The following ANKRD11 variants were observed in gnomAD, a reference collection of about 807,000 sequenced individuals.
ANKRD11 encodes ankyrin repeat domain 11.
In ANKRD11, 17 loss-of-function variants were observed where a neutral mutation model predicts 195.7. The ratio of observed to expected loss-of-function variants is 0.09; its 90% CI spans 0.06 to 0.13. The LOEUF (loss-of-function observed/expected upper bound fraction) is 0.13. Ranked by LOEUF, ANKRD11 falls within the 10% of genes least tolerant of loss-of-function variation. The pLI is 1.00. For missense variants in ANKRD11, 3,735 were observed against 3,566.1 expected (o/e 1.05, Z -1.21); for synonymous variants, 1,953 against 1,528.1 (o/e 1.28, Z -6.49).
chr16:89,345,264 C>T (rs558821627), intron 2 of ANKRD11, among the ~76,000 whole-genome samples: 2 of 149,100 alleles, frequency 1.3e-5, no homozygotes, highest in African/African-American at 2.5e-5. Context: ...CCCCACCCCC[C>T]GGCAAAAGGA....
intron 3 of ANKRD11, among the ~76,000 whole-genome samples, chr16:89,313,066 C>T (rs1471961044): frequency 6.6e-6 from 1 of 152,202 alleles, no homozygotes. Flanking sequence ...AGCCTCTCGG[C>T]CTCCACACAG....
At chr16:89,481,027 G>T (rs1312807039) in intron 1 of ANKRD11, among the ~76,000 whole-genome samples, 1 of 152,102 alleles carries the variant, frequency 6.6e-6, no homozygotes, top group Non-Finnish European at 1.5e-5. Context: ...ACAGCACCCA[G>T]CTTCTGCCCC....
chr16:89,444,578 T>C (rs1437104969), intron 1 of ANKRD11, among the ~76,000 whole-genome samples: 1 of 152,112 alleles, frequency 6.6e-6, no homozygotes, highest in Non-Finnish European at 1.5e-5. Flanking sequence ...TTGCCCACTG[T>C]TTCTTCTCCA....
At chr16:89,319,632 A>G (rs570753868) in intron 2 of ANKRD11, among the ~76,000 whole-genome samples, 1 of 152,304 alleles carries the variant, frequency 6.6e-6, no homozygotes, top group East Asian at 1.9e-4. Context: ...CCGCCTCTCC[A>G]TGAACCACCA....
intron 1 of ANKRD11, among the ~76,000 whole-genome samples, chr16:89,426,693 G>C (rs1412442811): frequency 1.3e-5 from 2 of 152,132 alleles, no homozygotes; most frequent in African/African-American, 4.8e-5. Context: ...CAGCATCACA[G>C]TCTAATGGCA....
chr16:89,307,226 C>T (rs552810727), intron 3 of ANKRD11, among the ~76,000 whole-genome samples: 1 of 152,362 alleles, frequency 6.6e-6, no homozygotes, highest in East Asian at 1.9e-4. Context: ...GCCTCAGCTG[C>T]TCCAGGGCTG....
intron 1 of ANKRD11, among the ~76,000 whole-genome samples, chr16:89,468,622 T>C (rs2056962644): frequency 1.3e-5 from 2 of 152,246 alleles, no homozygotes; most frequent in African/African-American, 4.8e-5. Context: ...GGAGAATTGC[T>C]TGGGAACCTG....
At chr16:89,380,708 G>A (rs554140778) in intron 2 of ANKRD11, among the ~76,000 whole-genome samples, 2 of 152,366 alleles carry the variant, frequency 1.3e-5, no homozygotes, top group African/African-American at 4.8e-5. Flanking sequence ...GTACCTGCCT[G>A]CTTTCCAGGG....
intron 4 of ANKRD11, among the ~76,000 whole-genome samples, chr16:89,294,675 T>A (rs1235736662): frequency 6.6e-6 from 1 of 152,134 alleles, no homozygotes; most frequent in Non-Finnish European, 1.5e-5. Flanking sequence ...GACACCATGG[T>A]CTGAGAGCAG....
At chr16:89,306,605 A>C (rs1438095146) in intron 3 of ANKRD11, among the ~76,000 whole-genome samples, 2 of 63,746 alleles carry the variant, frequency 3.1e-5, no homozygotes, top group Admixed American at 1.7e-4. Flanking sequence ...GCCACCTCCC[A>C]CTCCGCAGAC....
At chr16:89,483,972 G>C (rs981679307) in intron 1 of ANKRD11, among the ~76,000 whole-genome samples, 4 of 152,116 alleles carry the variant, frequency 2.6e-5, no homozygotes, top group Non-Finnish European at 5.9e-5. Context: ...CAATTATAGT[G>C]AAGAAAAAAT....
intron 11 of ANKRD11, 172 bp from the exon 12 acceptor site, chr16:89,271,081 C>G (rs2033110584): frequency 1.5e-6 from 1 of 685,650 alleles, no homozygotes; most frequent in Non-Finnish European, 2.6e-6. Context: ...CGCACCCTGC[C>G]CATCTCCCTA....
At chr16:89,382,222 A>G (rs979491200) in intron 2 of ANKRD11, among the ~76,000 whole-genome samples, 3 of 152,144 alleles carry the variant, frequency 2.0e-5, no homozygotes, top group Non-Finnish European at 4.4e-5. Flanking sequence ...GCCACTGACC[A>G]GGGCAGGAGT....
chr16:89,327,625 C>T (rs1042699507), intron 2 of ANKRD11, among the ~76,000 whole-genome samples: 1 of 152,118 alleles, frequency 6.6e-6, no homozygotes, highest in African/African-American at 2.4e-5. Flanking sequence ...CTGCATGCTA[C>T]CAATAATCCT....
At position 89,279,280 on chromosome 16, in the gene ANKRD11, G is replaced by C. The variant is rs753116112; in HGVS notation, c.7262C>G (p.Ala2421Gly). 1 of 1,611,750 alleles carries C rather than the reference G, an allele frequency of 6.2e-7. No individual in the cohort carries two copies. The highest frequency in any genetic ancestry group is 1.1e-5 in the South Asian group (1 of 90,914). ...GGGCTCGATGGCATCCAGCTTGATG[G>C]CGTCCACGATGGCGGCCAGCGTCTG... ...IQQTLAAIVD[A>G]IKLDAIEPYH... Residue 2421 changes from alanine (A) to glycine (G), a missense_variant, in exon 9 of 13, where the codon GCC becomes GGC. By Grantham distance (60) the Ala-to-Gly change is moderately conservative. Transcript: ENST00000301030. This position sits in a 1 kb window ranked among gnomAD's most constrained non-coding sequence, Gnocchi z 5.6.
rs556576098 is a variant in ANKRD11, at chr16:89,355,454, A to C, written c.-59-38376T>G. Among the ~76,000 whole-genome samples, 14 of 152,314 alleles carry C rather than the reference A, an allele frequency of 9.2e-5. No individual in the cohort carries two copies. In the South Asian group the frequency reaches 1.2e-3, roughly 14 times the overall value. On this transcript the variant is annotated intron_variant, in intron 2 of 12. Coordinates refer to ENST00000301030, the MANE Select transcript of ANKRD11 (RefSeq NM_013275.6). ...GCCAGACTGTTTGCCTGAAAGACCT[A>C]ATCAAGGCTGACAAGAATTCAAAGC...
chr16:89,428,285 G>A (rs773410309), intron 1 of ANKRD11, among the ~76,000 whole-genome samples: 1 of 152,052 alleles, frequency 6.6e-6, no homozygotes. Flanking sequence ...CAGCACTTTG[G>A]GAGGCCAAGG....
At chr16:89,361,158 C>T (rs8050487) in intron 2 of ANKRD11, among the ~76,000 whole-genome samples, 3,223 of 152,294 alleles carry the variant, frequency 0.021, 127 homozygotes, top group African/African-American at 0.074. Context: ...TTCCTGTAAG[C>T]CTGAAACCCT....
rs199741062 is a variant in ANKRD11, at chr16:89,270,912, G to A, written c.7714-3C>T. On this transcript the variant is annotated splice_polypyrimidine_tract_variant and splice_region_variant and intron_variant, in intron 11 of 12. Transcript: ENST00000301030. Reference sequence around the variant, plus strand: ...CGCACTGACTTGTTCTCGTCACCCTGTGGAAACCAAACACGGGAGTTTCAT... The same window carrying A: ...CGCACTGACTTGTTCTCGTCACCCTATGGAAACCAAACACGGGAGTTTCAT... The A allele has an allele frequency of 1.2e-6, 2 of 1,613,974 alleles. No individual in the cohort carries two copies. Among genetic ancestry groups the A allele is most frequent in the African/African-American group, 2.7e-5 (2 of 75,040 alleles).
Sources: gnomAD v4.1 joint callset for allele counts (sites outside exome capture counted in the v4.1 genomes callset) on GRCh38, gnomAD v4.1.1 for gene constraint, Gnocchi (gnomAD v3.1) non-coding constraint, MANE v1.5 for transcripts, NCBI Gene and HGNC (gene_info 2026-07-23, HGNC 2026-07-21) for gene names.